ANO4: variants seen among roughly 807,000 people sequenced by gnomAD.
ANO4 encodes the protein anoctamin-4.
Under a neutral mutation model 141.9 loss-of-function variants are expected in ANO4, and 69 were observed. That is an observed-to-expected ratio of 0.49 (90% CI 0.40 to 0.59). ANO4 has a LOEUF of 0.59. ANO4 is among the 20% of genes least tolerant of loss of function. ANO4 has a pLI of 0.00. For missense variants in ANO4, 894 were observed against 1,162.2 expected (o/e 0.77, Z 3.36); for synonymous variants, 350 against 394.3 (o/e 0.89, Z 1.33).
chr12:101,068,574 G>T lies in ANO4; in HGVS notation c.1313-10619G>T, dbSNP rs569959516. Reference sequence around the variant, plus strand: ...AAAAATACTAAAGAGATGTTTGGTGGCTTCTTCAAAAGTGTGGTGAAAGTG... The same window carrying T: ...AAAAATACTAAAGAGATGTTTGGTGTCTTCTTCAAAAGTGTGGTGAAAGTG... On this transcript the variant is annotated intron_variant, in intron 14 of 27. Coordinates refer to ENST00000392977, the MANE Select transcript of ANO4 (RefSeq NM_001286615.2). 1.2e-5 allele frequency: 17 copies of T among 1,391,220 alleles called. No homozygotes were observed. The Admixed American group carries it at 1.7e-4, about 14-fold the overall frequency. The allele number at this position is 1,391,220 out of a possible 1,614,324, so 86.2% of individuals were successfully genotyped here.
rs1384908355 is a variant in ANO4, at chr12:101,128,378, A to T, written c.*522A>T. ...GACCTTTCTGAGAAGATTATTATATATGACATATCTATAGCTATGTGTATG... is the reference window on the plus strand; with the variant it reads ...GACCTTTCTGAGAAGATTATTATATTTGACATATCTATAGCTATGTGTATG... On this transcript the variant is annotated 3_prime_UTR_variant, in exon 28 of 28. Coordinates refer to ENST00000392977, the MANE Select transcript of ANO4 (RefSeq NM_001286615.2). 2 of 152,586 alleles carry T rather than the reference A, an allele frequency of 1.3e-5. No homozygotes were observed. Among genetic ancestry groups the T allele is most frequent in the African/African-American group, 4.8e-5 (2 of 41,406 alleles). The allele number at this position is 152,586 out of a possible 1,614,324, so 9.5% of individuals were successfully genotyped here.
At position 100,919,736 on chromosome 12, in the gene ANO4, G is replaced by GTCTATC. The variant is rs2041535474; in HGVS notation, c.56-2489_56-2488insCTATCT. ...TGTATGTATGTATGTGTGTATGTAT[G>GTCTATC]TATCTATCTATCTATCTATCTATCT... On this transcript the variant is annotated intron_variant, in intron 2 of 27. Coordinates refer to ENST00000392977, the MANE Select transcript of ANO4 (RefSeq NM_001286615.2). Among the ~76,000 whole-genome samples the GTCTATC allele has an allele frequency of 9.8e-3, 1,296 of 132,722 alleles. 12 individuals carry two copies. The highest frequency in any genetic ancestry group is 0.016 in the Non-Finnish European group (969 of 61,966). The allele number at this position is 132,722 out of a possible 152,430, so 87.1% of individuals were successfully genotyped here.
chr12:101,001,388 G>A (rs1453055998), intron 8 of ANO4, among the ~76,000 whole-genome samples: 1 of 152,194 alleles, frequency 6.6e-6, no homozygotes, highest in Admixed American at 6.5e-5. Context: ...TGCCCCATTG[G>A]TCAGTATTCT....
intron 5 of ANO4, among the ~76,000 whole-genome samples, chr12:100,956,016 C>T (rs2043161678): frequency 6.6e-6 from 1 of 152,164 alleles, no homozygotes; most frequent in Admixed American, 6.5e-5. Flanking sequence ...TATATATGCT[C>T]GCTTAGCAAT....
intron 1 of ANO4, among the ~76,000 whole-genome samples, chr12:100,857,147 G>C (rs148415776): frequency 1.4e-4 from 22 of 152,220 alleles, no homozygotes; most frequent in African/African-American, 5.3e-4. Flanking sequence ...AACATCCAGG[G>C]ACATTTGGAG....
intron 1 of ANO4, among the ~76,000 whole-genome samples, chr12:100,731,206 A>G (rs181256151): frequency 1.2e-3 from 179 of 152,332 alleles, no homozygotes; most frequent in African/African-American, 4.3e-3. Context: ...ACCATTATAG[A>G]TCAGAATTTT....
intron 5 of ANO4, among the ~76,000 whole-genome samples, chr12:100,945,505 T>C (rs73375010): frequency 0.057 from 8,616 of 152,328 alleles, 750 homozygotes; most frequent in African/African-American, 0.18. Context: ...CCACTTAAAG[T>C]GATTCCCTTC....
chr12:100,749,652 T>C (rs2032278620), intron 3 of ANO4, among the ~76,000 whole-genome samples: 1 of 152,230 alleles, frequency 6.6e-6, no homozygotes, highest in Non-Finnish European at 1.5e-5. Context: ...GATGTAGCTA[T>C]GAAGTTACTT....
rs1300406689 is a variant in ANO4, at chr12:101,002,984, T to TCCTATGTTGCTCTCCTCC, written c.734+15317_734+15334dup. 7.9e-5 allele frequency among the ~76,000 whole-genome samples: 12 copies of TCCTATGTTGCTCTCCTCC among 152,326 alleles called. No individual in the cohort carries two copies. In the South Asian group the frequency reaches 2.5e-3, roughly 32 times the overall value. On this transcript the variant is annotated intron_variant, in intron 8 of 27. Transcript: ENST00000392977. ...AGCCTATACGGTTTTTCTTTCCTCT[T>TCCTATGTTGCTCTCCTCC]CCTATGTTGCTCTCCTCCCCACAAA... is the stretch of plus-strand genomic sequence containing the variant.
chr12:101,094,652 G>A (rs2049908629), intron 18 of ANO4, among the ~76,000 whole-genome samples: 1 of 152,240 alleles, frequency 6.6e-6, no homozygotes, highest in African/African-American at 2.4e-5. Flanking sequence ...AATGTATCAA[G>A]TTTTTATGGT....
Position 101,113,250 on chromosome 12 carries a change from A to C in ANO4, c.2450+1540A>C, listed in dbSNP as rs187581867. Reference sequence around the variant, plus strand: ...GGATTTTCCGTCGTAATGGTGTTTCAGTTCTTTCCCAAATTCAAATATGGT... The same window carrying C: ...GGATTTTCCGTCGTAATGGTGTTTCCGTTCTTTCCCAAATTCAAATATGGT... On this transcript the variant is annotated intron_variant, in intron 24 of 27. Coordinates refer to ENST00000392977, the MANE Select transcript of ANO4 (RefSeq NM_001286615.2). Among the ~76,000 whole-genome samples the C allele has an allele frequency of 2.1e-3, 321 of 152,290 alleles. 2 individuals are homozygous for C. Among genetic ancestry groups the C allele is most frequent in the African/African-American group, 7.4e-3 (306 of 41,568 alleles).
intron 27 of ANO4, among the ~76,000 whole-genome samples, chr12:101,127,635 A>G (rs778785319): frequency 6.6e-6 from 1 of 152,060 alleles, no homozygotes; most frequent in East Asian, 1.9e-4. Flanking sequence ...GCCTGTTTCT[A>G]TTTCCCCAAT....
chr12:100,815,140 A>G (rs956680104), intron 1 of ANO4, among the ~76,000 whole-genome samples: 2 of 152,126 alleles, frequency 1.3e-5, no homozygotes, highest in African/African-American at 4.8e-5. Context: ...ACTATTCTGG[A>G]TACGTAAGAA....
chr12:101,105,639 GA>G (rs2050409754), intron 22 of ANO4, among the ~76,000 whole-genome samples: 1 of 152,150 alleles, frequency 6.6e-6, no homozygotes, highest in Admixed American at 6.5e-5. Flanking sequence ...GAGACCCAAA[GA>G]TGATTCAGAA....
At chr12:100,975,320 T>A (rs1249297582) in intron 7 of ANO4, among the ~76,000 whole-genome samples, 1 of 152,068 alleles carries the variant, frequency 6.6e-6, no homozygotes, top group Non-Finnish European at 1.5e-5. Flanking sequence ...GCCCCCTCTT[T>A]TTAGCCCATT....
chr12:100,952,067 G>A (rs1356621642), intron 5 of ANO4, among the ~76,000 whole-genome samples: 1 of 152,156 alleles, frequency 6.6e-6, no homozygotes, highest in African/African-American at 2.4e-5. Flanking sequence ...ATGGTTTGTT[G>A]TAGTGTCTAG....
At chr12:100,754,110 G>A (rs1055885423) in intron 3 of ANO4, among the ~76,000 whole-genome samples, 2 of 152,152 alleles carry the variant, frequency 1.3e-5, no homozygotes, top group African/African-American at 4.8e-5. Flanking sequence ...CTAAGAACTG[G>A]GGATGTGAGG....
At chr12:100,785,347 T>A (rs2033839433) in intron 3 of ANO4, among the ~76,000 whole-genome samples, 1 of 152,174 alleles carries the variant, frequency 6.6e-6, no homozygotes, top group South Asian at 2.1e-4. Context: ...ACCATCATGG[T>A]TTCATGCAGA....
chr12:101,106,094 G>A (rs1053148627), intron 22 of ANO4, among the ~76,000 whole-genome samples: 7 of 151,952 alleles, frequency 4.6e-5, no homozygotes, highest in African/African-American at 7.3e-5. Flanking sequence ...CGACAAGAGC[G>A]AAACTCTGTC....
Sources: gnomAD v4.1 joint callset for allele counts (sites outside exome capture counted in the v4.1 genomes callset) on GRCh38, gnomAD v4.1.1 for gene constraint, MANE v1.5 for transcripts, NCBI Gene and HGNC (gene_info 2026-07-23, HGNC 2026-07-21) for gene names.